The following PID1 variants were observed in gnomAD, a reference collection of about 807,000 sequenced individuals.
PID1 encodes the protein phosphotyrosine interaction domain containing 1, also known as PTB-containing, cubilin and LRP1-interacting protein.
In PID1, 10 loss-of-function variants were observed where a neutral mutation model predicts 19.1. The observed-to-expected ratio is 0.52, with a 90% CI of 0.32 to 0.89. The LOEUF (loss-of-function observed/expected upper bound fraction) is 0.89, where lower values mean the gene tolerates loss of function less well. PID1 is among the 40% of genes least tolerant of loss of function. The pLI, the probability that PID1 is intolerant of heterozygous loss-of-function variation, is 0.03. For synonymous variants in PID1, 130 were observed against 116.0 expected (o/e 1.12, Z -0.78); for missense variants, 248 against 285.3 (o/e 0.87, Z 0.94).
intron 1 of PID1, among the ~76,000 whole-genome samples, chr2:229,206,263 A>C (rs1038115321): frequency 6.6e-6 from 1 of 152,012 alleles, no homozygotes. Context: ...GTACAAAAAA[A>C]AAAAACCCCA....
intron 1 of PID1, among the ~76,000 whole-genome samples, chr2:229,180,592 G>A (rs964707981): frequency 3.3e-5 from 5 of 152,200 alleles, no homozygotes; most frequent in African/African-American, 1.2e-4. Context: ...CTCTGGGGAT[G>A]AGGCCAGGTC....
At chr2:229,234,816 A>G (rs1279079911) in intron 1 of PID1, among the ~76,000 whole-genome samples, 1 of 152,138 alleles carries the variant, frequency 6.6e-6, no homozygotes, top group Non-Finnish European at 1.5e-5. Context: ...TGACCATCAA[A>G]CAAGGACCTA....
chr2:229,150,427 G>T (rs1296119562), intron 2 of PID1, among the ~76,000 whole-genome samples: 2 of 152,068 alleles, frequency 1.3e-5, no homozygotes, highest in Admixed American at 6.5e-5. Flanking sequence ...GGATGTTGTG[G>T]AAAGACAGCG....
At chr2:229,175,267 G>A (rs933183551) in intron 1 of PID1, among the ~76,000 whole-genome samples, 4 of 152,118 alleles carry the variant, frequency 2.6e-5, no homozygotes, top group Non-Finnish European at 5.9e-5. Flanking sequence ...CACACGGCAA[G>A]TCCACTACAG....
At chr2:229,262,238 A>G (rs36085654) in intron 1 of PID1, among the ~76,000 whole-genome samples, 32,127 of 152,130 alleles carry the variant, frequency 0.21, 4,056 homozygotes, top group Non-Finnish European at 0.29. Flanking sequence ...ACCTCAAAGT[A>G]ACTGTGTTTC....
intron 1 of PID1, among the ~76,000 whole-genome samples, chr2:229,172,182 G>C (rs912441030): frequency 6.6e-6 from 1 of 152,128 alleles, no homozygotes; most frequent in African/African-American, 2.4e-5. Flanking sequence ...CAGCTAAAAG[G>C]TCCAAACATC....
chr2:229,227,398 T>C (rs188985430), intron 1 of PID1, among the ~76,000 whole-genome samples: 2 of 152,344 alleles, frequency 1.3e-5, no homozygotes, highest in South Asian at 2.1e-4. Context: ...ATGGACAGCA[T>C]TGGGTCAAAT....
chr2:229,113,797 T>A (rs1177577547), intron 2 of PID1, among the ~76,000 whole-genome samples: 1 of 152,100 alleles, frequency 6.6e-6, no homozygotes, highest in African/African-American at 2.4e-5. Flanking sequence ...CGGAAGGTGA[T>A]GGTTAGTTTT....
chr2:229,132,273 T>C (rs1689758906), intron 2 of PID1, among the ~76,000 whole-genome samples: 1 of 152,224 alleles, frequency 6.6e-6, no homozygotes, highest in African/African-American at 2.4e-5. Context: ...ATGTTCCATG[T>C]GTGACATCAG....
At chr2:229,268,840 C>A (rs367877577) in intron 1 of PID1, among the ~76,000 whole-genome samples, 4 of 152,096 alleles carry the variant, frequency 2.6e-5, no homozygotes, top group Non-Finnish European at 5.9e-5. Flanking sequence ...AAGGAAAAAA[C>A]CCCAGACAGC....
chr2:229,105,385 C>A (rs995457465), intron 2 of PID1, among the ~76,000 whole-genome samples: 8 of 152,204 alleles, frequency 5.3e-5, no homozygotes, highest in Non-Finnish European at 7.4e-5. Flanking sequence ...ACCAATTCAG[C>A]AAGGCTAAAC....
intron 2 of PID1, among the ~76,000 whole-genome samples, chr2:229,100,078 A>G (rs1695045935): frequency 6.6e-6 from 1 of 152,178 alleles, no homozygotes; most frequent in African/African-American, 2.4e-5. Context: ...ATGAGGATAC[A>G]AGAAGCTAGC....
Position 229,152,764 on chromosome 2 carries a change from C to T in PID1, c.177+3054G>A, listed in dbSNP as rs191754805. Among the ~76,000 whole-genome samples the T allele has an allele frequency of 5.9e-5, 9 of 152,100 alleles. No homozygotes were observed. In the East Asian group the frequency reaches 1.7e-3, roughly 29 times the overall value. On this transcript the variant is annotated intron_variant, in intron 2 of 2. Coordinates refer to ENST00000392055, the MANE Select transcript of PID1 (RefSeq NM_001100818.2). ...ATCCCGTCAGGACCCACGGAGAATA[C>T]AGATCAGCAGAAAATGGGAAATCTG...
At chr2:229,050,539 A>G (rs1693973408) in intron 2 of PID1, among the ~76,000 whole-genome samples, 1 of 152,214 alleles carries the variant, frequency 6.6e-6, no homozygotes, top group South Asian at 2.1e-4. Context: ...CATGATTAGT[A>G]TACTCTCAGT....
At chr2:229,058,693 T>C (rs1694152160) in intron 2 of PID1, among the ~76,000 whole-genome samples, 2 of 149,230 alleles carry the variant, frequency 1.3e-5, no homozygotes, top group Admixed American at 1.3e-4. Flanking sequence ...TTTGATCACA[T>C]TCATTATGTT....
intron 2 of PID1, among the ~76,000 whole-genome samples, chr2:229,075,570 G>A (rs1338498119): frequency 6.6e-6 from 1 of 152,196 alleles, no homozygotes; most frequent in Non-Finnish European, 1.5e-5. Context: ...CTTGAATCAT[G>A]TTTGCAATCA....
At chr2:229,162,185 C>T (rs952714170) in intron 1 of PID1, among the ~76,000 whole-genome samples, 1 of 152,130 alleles carries the variant, frequency 6.6e-6, no homozygotes, top group Non-Finnish European at 1.5e-5. Flanking sequence ...ATGTGTGATC[C>T]CAAAATAGAG....
chr2:229,046,799 T>A (rs906928259), intron 2 of PID1, among the ~76,000 whole-genome samples: 1 of 152,210 alleles, frequency 6.6e-6, no homozygotes, highest in Non-Finnish European at 1.5e-5. Flanking sequence ...GACGATACCA[T>A]CTTGCTTTCA....
chr2:229,219,712 TA>T lies in PID1; in HGVS notation c.30+51301del, dbSNP rs533076508. On this transcript the variant is annotated intron_variant, in intron 1 of 2. Coordinates refer to ENST00000392055, the MANE Select transcript of PID1 (RefSeq NM_001100818.2). ...CCACCACACCTGGCTAATTTTTTTT[TA>T]TTTTTCATAGAGACAGAGTCTCAAT... Among the ~76,000 whole-genome samples, 736 of 152,090 alleles carry T rather than the reference TA, an allele frequency of 4.8e-3. 1 individual carries two copies. Among genetic ancestry groups the T allele is most frequent in the Non-Finnish European group, 6.5e-3 (443 of 67,988 alleles).
Sources: allele counts gnomAD v4.1 joint callset (sites outside exome capture counted in the v4.1 genomes callset), GRCh38; gene constraint gnomAD v4.1.1; transcripts MANE v1.5; gene names NCBI Gene and HGNC (gene_info 2026-07-23, HGNC 2026-07-21).